The following MSI2 variants were observed in gnomAD, a reference collection of about 807,000 sequenced individuals.
The protein encoded by MSI2 is RNA-binding protein Musashi homolog 2.
Under a neutral mutation model 45.6 loss-of-function variants are expected in MSI2, and 17 were observed. The observed-to-expected ratio is 0.37, with a 90% CI of 0.26 to 0.56. The LOEUF (loss-of-function observed/expected upper bound fraction) is 0.56. Among genes scored for constraint, MSI2 ranks in the 20% least tolerant of loss-of-function variants. The pLI is 0.77. For synonymous variants in MSI2, 156 were observed against 158.2 expected (o/e 0.99, Z 0.11); for missense variants, 293 against 444.2 (o/e 0.66, Z 3.06).
At chr17:57,419,586 C>G (rs1186522677) in intron 6 of MSI2, among the ~76,000 whole-genome samples, 1 of 151,120 alleles carries the variant, frequency 6.6e-6, no homozygotes, top group Non-Finnish European at 1.5e-5. Context: ...GTTGGCCAGG[C>G]TGGTCTCGAA....
chr17:57,410,593 T>TA (rs71139991), intron 6 of MSI2, among the ~76,000 whole-genome samples: 107,112 of 149,350 alleles, frequency 0.72, 38,829 homozygotes, highest in South Asian at 0.88. Flanking sequence ...TTAATTAAAT[T>TA]AAAAAAAAAA....
At chr17:57,663,012 C>T (rs1290250926) in intron 11 of MSI2, among the ~76,000 whole-genome samples, 1 of 152,246 alleles carries the variant, frequency 6.6e-6, no homozygotes, top group Non-Finnish European at 1.5e-5. Flanking sequence ...GGGCGGGCTT[C>T]TCTGGGAAGA....
At chr17:57,459,502 C>T (rs1244074605) in intron 6 of MSI2, among the ~76,000 whole-genome samples, 1 of 152,150 alleles carries the variant, frequency 6.6e-6, no homozygotes. Flanking sequence ...ATAAATGTCC[C>T]GAGGTTCCCA....
chr17:57,426,829 G>A (rs1451198314), intron 6 of MSI2, among the ~76,000 whole-genome samples: 1 of 152,212 alleles, frequency 6.6e-6, no homozygotes, highest in Non-Finnish European at 1.5e-5. Flanking sequence ...TTATTTCAAT[G>A]GAGGTCTGCA....
intron 5 of MSI2, among the ~76,000 whole-genome samples, chr17:57,329,028 A>C (rs1333455794): frequency 6.7e-6 from 1 of 150,052 alleles, no homozygotes; most frequent in East Asian, 2.0e-4. Flanking sequence ...TGGGAGGCGG[A>C]GGTTGCAGTG....
At chr17:57,567,608 C>T (rs1191669980) in intron 7 of MSI2, among the ~76,000 whole-genome samples, 1 of 152,268 alleles carries the variant, frequency 6.6e-6, no homozygotes, top group East Asian at 1.9e-4. Flanking sequence ...CAGTCTCTCT[C>T]TGCAGTGGGC....
At chr17:57,384,276 A>G (rs559807713) in intron 5 of MSI2, among the ~76,000 whole-genome samples, 482 of 152,260 alleles carry the variant, frequency 3.2e-3, no homozygotes, top group Non-Finnish European at 5.2e-3. Context: ...AAGACTTGAA[A>G]TCAAGGGGAG....
chr17:57,631,003 C>T (rs1598474031), intron 10 of MSI2: 1 of 152,294 alleles, frequency 6.6e-6, no homozygotes, highest in Non-Finnish European at 1.5e-5. Context: ...CCCGGGGATC[C>T]TGTGACTTCG....
chr17:57,262,262 A>G (rs1907374908), intron 5 of MSI2, 70 bp downstream of exon 5: 1 of 1,526,828 alleles, frequency 6.5e-7, no homozygotes, highest in Admixed American at 1.7e-5. Context: ...AATTTCAAAC[A>G]GCATTGGCCA....
At chr17:57,672,386 G>C (rs1182971839) in intron 11 of MSI2, among the ~76,000 whole-genome samples, 1 of 152,236 alleles carries the variant, frequency 6.6e-6, no homozygotes, top group Non-Finnish European at 1.5e-5. Flanking sequence ...CCAAGGATGG[G>C]CATAATACCA....
At chr17:57,620,912 G>A (rs1041661373) in intron 9 of MSI2, among the ~76,000 whole-genome samples, 1 of 152,154 alleles carries the variant, frequency 6.6e-6, no homozygotes, top group African/African-American at 2.4e-5. Context: ...GGCCTCCCCA[G>A]CCATCACAGA....
chr17:57,297,893 C>T (rs899190558), intron 5 of MSI2, among the ~76,000 whole-genome samples: 5 of 152,130 alleles, frequency 3.3e-5, no homozygotes, highest in East Asian at 1.9e-4. Context: ...ATGAGATTGC[C>T]GCAATTCAGT....
intron 9 of MSI2, among the ~76,000 whole-genome samples, chr17:57,621,305 A>G (rs1285953631): frequency 3.3e-5 from 5 of 152,274 alleles, no homozygotes; most frequent in Non-Finnish European, 5.9e-5. Context: ...ATTTTCTTAA[A>G]GTTAACTAAC....
intron 5 of MSI2, among the ~76,000 whole-genome samples, chr17:57,373,621 T>C (rs1192957434): frequency 6.6e-6 from 1 of 152,140 alleles, no homozygotes; most frequent in Non-Finnish European, 1.5e-5. Context: ...ATGCAGCAGA[T>C]CTGGGTCTTC....
At chr17:57,296,282 G>C (rs895813473) in intron 5 of MSI2, among the ~76,000 whole-genome samples, 4 of 152,008 alleles carry the variant, frequency 2.6e-5, no homozygotes, top group Non-Finnish European at 5.9e-5. Context: ...TTTTTTGTTA[G>C]GCTCCTCTCT....
chr17:57,471,514 C>T (rs994820139), intron 6 of MSI2, among the ~76,000 whole-genome samples: 3 of 152,012 alleles, frequency 2.0e-5, no homozygotes, highest in Non-Finnish European at 2.9e-5. Context: ...CTTTATGGAG[C>T]ACTTTCTGTG....
At chr17:57,364,417 A>G (rs573851711) in intron 5 of MSI2, among the ~76,000 whole-genome samples, 1 of 152,248 alleles carries the variant, frequency 6.6e-6, no homozygotes, top group Non-Finnish European at 1.5e-5. Context: ...CAGTGCTTTC[A>G]GTGCAATCAA....
intron 5 of MSI2, among the ~76,000 whole-genome samples, chr17:57,287,925 G>T (rs989276534): frequency 1.3e-5 from 2 of 152,202 alleles, no homozygotes; most frequent in Admixed American, 6.5e-5. Context: ...CAGTAGTGGG[G>T]AGTGTGGGAG....
intron 6 of MSI2, among the ~76,000 whole-genome samples, chr17:57,514,911 C>T (rs2086437442): frequency 6.6e-6 from 1 of 152,060 alleles, no homozygotes; most frequent in African/African-American, 2.4e-5. Context: ...CCATGGGTAC[C>T]CCACCCCAAA....
Sources: allele counts gnomAD v4.1 joint callset (sites outside exome capture counted in the v4.1 genomes callset), GRCh38; gene constraint gnomAD v4.1.1; transcripts MANE v1.5; gene names NCBI Gene and HGNC (gene_info 2026-07-23, HGNC 2026-07-21).